Variants in KLHL20 observed in about 807,000 individuals in gnomAD.
The protein encoded by KLHL20 is kelch-like protein 20.
In KLHL20, 29 loss-of-function variants were observed where a neutral mutation model predicts 69.5. The ratio of observed to expected loss-of-function variants is 0.42; its 90% CI spans 0.31 to 0.57. KLHL20 has a LOEUF of 0.57. Ranked by LOEUF, KLHL20 falls within the 20% of genes least tolerant of loss-of-function variation. KLHL20 has a pLI of 0.18. For missense variants in KLHL20, 419 were observed against 776.0 expected, an observed-to-expected ratio of 0.54 and a Z score of 5.47; for synonymous variants, 253 against 265.2, an observed-to-expected ratio of 0.95 and a Z score of 0.45.
chr1:173,778,421 C>T (rs1050214842), intron 10 of KLHL20, among the ~76,000 whole-genome samples: 1 of 152,154 alleles, frequency 6.6e-6, no homozygotes, highest in Non-Finnish European at 1.5e-5. Flanking sequence ...CTCCACCTCC[C>T]AGGCTCAAGC....
chr1:173,746,732 G>C (rs1169739295), intron 3 of KLHL20, among the ~76,000 whole-genome samples: 1 of 151,810 alleles, frequency 6.6e-6, no homozygotes, highest in African/African-American at 2.4e-5. Flanking sequence ...TTGCTTGATT[G>C]TATTTCATTC....
intron 3 of KLHL20, among the ~76,000 whole-genome samples, chr1:173,742,777 C>CAT (rs755936501): frequency 5.3e-5 from 8 of 150,338 alleles, no homozygotes; most frequent in Non-Finnish European, 7.4e-5. Flanking sequence ...TATATTTCAG[C>CAT]ATATATATAT....
chr1:173,727,741 C>T (rs375160481), intron 2 of KLHL20, among the ~76,000 whole-genome samples: 1 of 152,104 alleles, frequency 6.6e-6, no homozygotes, highest in Non-Finnish European at 1.5e-5. Context: ...AAAAGAGCTC[C>T]TGAAGGAGGC....
intron 3 of KLHL20, among the ~76,000 whole-genome samples, chr1:173,751,256 AC>A (rs1241200153): frequency 6.6e-6 from 1 of 152,206 alleles, no homozygotes; most frequent in African/African-American, 2.4e-5. Flanking sequence ...GTAGATTCTC[AC>A]TAGCATATAT....
rs529474255 is a variant in KLHL20, at chr1:173,720,128, A to ATAAT, written c.23+4078_23+4081dup. 1.8e-3 allele frequency among the ~76,000 whole-genome samples: 280 copies of ATAAT among 152,338 alleles called. 2 individuals are homozygous for ATAAT. The highest frequency in any genetic ancestry group is 6.0e-3 in the African/African-American group (250 of 41,584). On this transcript the variant is annotated intron_variant, in intron 2 of 11. Transcript: ENST00000209884. ...CAGGGCGAGACTTCATCTCTAAAAT[A>ATAAT]TAATTAATTAATTAATTAACAAACA...
rs778033426 is a variant in KLHL20 at position 173,785,228 on chromosome 1, G to C, written c.1811G>C (p.Cys604Ser). 3.1e-6 allele frequency: 5 copies of C among 1,610,806 alleles called. No homozygotes were observed. The highest frequency in any genetic ancestry group is 4.2e-6 in the Non-Finnish European group (5 of 1,178,464). The change falls in exon 12 of 12, where the codon TGT becomes TCT. Residue 604 changes from cysteine (C) to serine (S), a missense_variant. Physicochemically the swap from Cys to Ser is moderately radical, Grantham distance 112. Coordinates refer to ENST00000209884, the MANE Select transcript of KLHL20 (RefSeq NM_014458.4). Reference protein sequence around the residue: ...GGVGVIKMTHCESHIW With the variant: ...GGVGVIKMTHSESHIW ...GTAGGAGTTATTAAAATGACACATT[G>C]TGAATCCCATATTTGGTGAACACAG...
At chr1:173,754,541 AC>A (rs1673452045) in intron 5 of KLHL20, among the ~76,000 whole-genome samples, 1 of 148,784 alleles carries the variant, frequency 6.7e-6, no homozygotes, top group African/African-American at 2.5e-5. Context: ...CCAAGATCAC[AC>A]CATTGCTCTC....
intron 2 of KLHL20, among the ~76,000 whole-genome samples, chr1:173,721,103 C>G (rs1462089503): frequency 1.3e-5 from 2 of 152,066 alleles, no homozygotes; most frequent in Non-Finnish European, 2.9e-5. Context: ...TGGGGCCTAG[C>G]AGGAAGGCCC....
At chr1:173,753,036 G>A (rs2102500277) in intron 4 of KLHL20, among the ~76,000 whole-genome samples, 177 bp from the exon 5 acceptor site, 1 of 152,244 alleles carries the variant, frequency 6.6e-6, no homozygotes, top group South Asian at 2.1e-4. Context: ...TGTTGGGCAT[G>A]GTGGCATGCA....
rs796578983 is a variant in KLHL20, at chr1:173,745,170, C to CTTTTTT, written c.598-6580_598-6575dup. On this transcript the variant is annotated intron_variant, in intron 3 of 11. Transcript: ENST00000209884. ...TCTAACTTTTATACATTTCTTTTTT[C>CTTTTTT]TTTTTTTTTTTTTTTTTTTGAGACG... Among the ~76,000 whole-genome samples, 40 of 115,526 alleles carry CTTTTTT rather than the reference C, an allele frequency of 3.5e-4. 1 individual carries two copies. Among genetic ancestry groups the CTTTTTT allele is most frequent in the African/African-American group, 5.2e-4 (16 of 30,626 alleles). The allele number at this position is 115,526 out of a possible 152,430, so 75.8% of individuals were successfully genotyped here.
intron 2 of KLHL20, among the ~76,000 whole-genome samples, chr1:173,726,600 C>G (rs190076703): frequency 9.3e-4 from 142 of 152,334 alleles, no homozygotes; most frequent in African/African-American, 3.1e-3. Flanking sequence ...CCAATATCCG[C>G]TGTTCTGCAG....
At chr1:173,770,021 T>G (rs1337603262) in intron 8 of KLHL20, among the ~76,000 whole-genome samples, 1 of 152,056 alleles carries the variant, frequency 6.6e-6, no homozygotes, top group Non-Finnish European at 1.5e-5. Flanking sequence ...CACTCCTATT[T>G]CTAAAAGTTC....
At chr1:173,743,053 T>C (rs1203867651) in intron 3 of KLHL20, among the ~76,000 whole-genome samples, 1 of 150,042 alleles carries the variant, frequency 6.7e-6, no homozygotes, top group Admixed American at 6.7e-5. Flanking sequence ...TCATCCAAAT[T>C]TAATCAGAAA....
intron 3 of KLHL20, among the ~76,000 whole-genome samples, chr1:173,737,742 T>C (rs550043044): frequency 6.6e-6 from 1 of 152,350 alleles, no homozygotes; most frequent in South Asian, 2.1e-4. Context: ...TTTCTAGTTC[T>C]GTGAAGAATG....
At chr1:173,735,051 A>G (rs1672459555) in intron 3 of KLHL20, among the ~76,000 whole-genome samples, 1 of 152,214 alleles carries the variant, frequency 6.6e-6, no homozygotes, top group Non-Finnish European at 1.5e-5. Context: ...CCTGAAAAAA[A>G]CCCAGTGAGA....
chr1:173,734,344 A>G (rs1330506349), intron 3 of KLHL20, 58 bp downstream of exon 3: 3 of 1,376,120 alleles, frequency 2.2e-6, no homozygotes, highest in Admixed American at 3.4e-5. Flanking sequence ...ATGGGTTCAC[A>G]TTCTGCTAAA....
intron 2 of KLHL20, among the ~76,000 whole-genome samples, chr1:173,726,624 T>A (rs1671976758): frequency 6.6e-6 from 1 of 152,172 alleles, no homozygotes; most frequent in African/African-American, 2.4e-5. Flanking sequence ...CCGCAGCTGA[T>A]ACCCTGGCAA....
At chr1:173,724,252 G>A (rs928206804) in intron 2 of KLHL20, among the ~76,000 whole-genome samples, 4 of 148,800 alleles carry the variant, frequency 2.7e-5, no homozygotes, top group East Asian at 2.0e-4. Context: ...GGATCCCCCC[G>A]CCTCAACCTC....
chr1:173,780,789 G>A (rs1648811968), intron 10 of KLHL20, among the ~76,000 whole-genome samples: 1 of 151,994 alleles, frequency 6.6e-6, no homozygotes, highest in Non-Finnish European at 1.5e-5. Context: ...GGAGTGCAGT[G>A]TGCGATCTTG....
Sources: allele counts gnomAD v4.1 joint callset (sites outside exome capture counted in the v4.1 genomes callset), GRCh38; gene constraint gnomAD v4.1.1; transcripts MANE v1.5; gene names NCBI Gene and HGNC (gene_info 2026-07-23, HGNC 2026-07-21).